DBR1: variants seen among roughly 807,000 people sequenced by gnomAD.
DBR1 encodes lariat debranching enzyme.
A neutral mutation model predicts 45.9 loss-of-function variants in DBR1; 33 were observed. That is an observed-to-expected ratio of 0.72 (90% CI 0.55 to 0.96). DBR1 has a LOEUF of 0.96. DBR1 is among the 40% of genes least tolerant of loss of function. The pLI is 0.00. For missense variants in DBR1, 619 were observed against 667.4 expected, an observed-to-expected ratio of 0.93 and a Z score of 0.80; for synonymous variants, 235 against 235.9, an observed-to-expected ratio of 1.00 and a Z score of 0.04.
chr3:138,172,253 A>G (rs1270929921), intron 2 of DBR1, among the ~76,000 whole-genome samples: 1 of 152,210 alleles, frequency 6.6e-6, no homozygotes, highest in Non-Finnish European at 1.5e-5. Context: ...ATCATTGGTA[A>G]AATCTATAAA....
At position 138,162,243 on chromosome 3, in the gene DBR1, A is replaced by G. The variant is rs781245780; in HGVS notation, c.1281T>C (p.Asp427=). The G allele has an allele frequency of 3.1e-6, 5 of 1,614,024 alleles. No individual in the cohort carries two copies. The highest frequency in any genetic ancestry group is 4.5e-5 in the East Asian group (2 of 44,898). Reference sequence around the variant, plus strand: ...CTTCTTCTTCATCTAACATTATTTCATCTGGATTAATAGAAGACAGAGCAG... The same window carrying G: ...CTTCTTCTTCATCTAACATTATTTCGTCTGGATTAATAGAAGACAGAGCAG... ...DTSALSSINP[D]EIMLDEEEDE... is the part of the protein sequence containing the mutation. The change falls in exon 8 of 8, where the codon GAT becomes GAC. Residue 427 remains aspartate (D), a synonymous_variant. Transcript: ENST00000260803.
intron 1 of DBR1, 62 bp from the exon 2 acceptor site, chr3:138,173,688 C>CT: frequency 1.4e-6 from 2 of 1,444,728 alleles, no homozygotes; most frequent in East Asian, 2.4e-5. Context: ...AAATAAGTTC[C>CT]GAAAAAAAAA....
At chr3:138,171,884 ATATAT>A (rs1412904881) in intron 2 of DBR1, among the ~76,000 whole-genome samples, 171 bp from the exon 3 acceptor site, 2 of 152,230 alleles carry the variant, frequency 1.3e-5, no homozygotes, top group African/African-American at 2.4e-5. Flanking sequence ...TGTATTAGGG[ATATAT>A]TATAACAGTA....
In DBR1 at chr3:138,162,254, T is replaced by G; in HGVS notation, c.1270A>C (p.Ile424Leu). The change falls in exon 8 of 8, where the codon ATT (isoleucine) becomes CTT (leucine). Residue 424 changes from isoleucine to leucine, a missense_variant. Around this residue, in one of 3 missense-constraint regions of DBR1, gnomAD observed 182 missense variants for 196.1 expected, o/e 0.93. Coordinates refer to ENST00000260803, the MANE Select transcript of DBR1 (RefSeq NM_016216.4). ...TCTAACATTATTTCATCTGGATTAA[T>G]AGAAGACAGAGCAGATGTGTCTGTA... ...YNTDTSALSS[I>L]NPDEIMLDEE... The G allele has an allele frequency of 6.2e-7, 1 of 1,614,186 alleles. No homozygotes were observed. The highest frequency in any genetic ancestry group is 1.3e-5 in the African/African-American group (1 of 75,070).
In DBR1 at chr3:138,171,669, T is replaced by G; in HGVS notation, c.367A>C (p.Ile123Leu). Residue 123 changes from isoleucine (I) to leucine (L), a missense_variant, in exon 3 of 8, where the codon ATC becomes CTC. By Grantham distance (5) the Ile-to-Leu change is conservative. Coordinates refer to ENST00000260803, the MANE Select transcript of DBR1 (RefSeq NM_016216.4). ...VKYRGVRIGG[I>L]SGIFKSHDYR... Reference sequence around the variant, plus strand: ...TCATGAGATTTAAAGATACCAGAGATTCCACCGATCCTTACACCTCGGTAT... The same window carrying G: ...TCATGAGATTTAAAGATACCAGAGAGTCCACCGATCCTTACACCTCGGTAT... The G allele has an allele frequency of 6.2e-7, 1 of 1,613,638 alleles. No homozygotes were observed. Among genetic ancestry groups the G allele is most frequent in the Non-Finnish European group, 8.5e-7 (1 of 1,179,744 alleles).
chr3:138,163,303 TATG>T (rs2042915969), intron 7 of DBR1, 43 bp downstream of exon 7: 16 of 1,594,122 alleles, frequency 1.0e-5, no homozygotes, highest in Non-Finnish European at 1.2e-5. Flanking sequence ...ATATAAAAAT[TATG>T]CATGCAATGG....
chr3:138,174,866 G>C lies in DBR1; in HGVS notation c.-71C>G. ...ACAGCCAGCCCAGGACCGACTGATC[G>C]CTCAGCTCCCGCCAACTTTAATAAG... On this transcript the variant is annotated 5_prime_UTR_variant, in exon 1 of 8. Coordinates refer to ENST00000260803, the MANE Select transcript of DBR1 (RefSeq NM_016216.4). 1 of 1,463,338 alleles carries C rather than the reference G, an allele frequency of 6.8e-7. No individual in the cohort carries two copies. The highest frequency in any genetic ancestry group is 9.3e-7 in the Non-Finnish European group (1 of 1,077,726). The allele number at this position is 1,463,338 out of a possible 1,614,324, so 90.6% of individuals were successfully genotyped here.
chr3:138,162,084 A>T lies in DBR1; in HGVS notation c.1440T>A (p.Asp480Glu). 6.2e-7 allele frequency: 1 copy of T among 1,614,202 alleles called. No homozygotes were observed. The highest frequency in any genetic ancestry group is 1.1e-5 in the South Asian group (1 of 91,090). Residue 480 changes from aspartate (D) to glutamate (E), a missense_variant, in exon 8 of 8, where the codon GAT (aspartate) becomes GAA (glutamate). Transcript: ENST00000260803. ...ILPGSMIVSSDDTVDSTIDRE... is the reference protein window; with the variant it reads ...ILPGSMIVSSEDTVDSTIDRE... ...TATCAATTGTGGAATCCACCGTATCATCAGAAGATACAATCATAGAGCCTG... is the reference window on the plus strand; with the variant it reads ...TATCAATTGTGGAATCCACCGTATCTTCAGAAGATACAATCATAGAGCCTG...
chr3:138,173,828 G>C (rs957815728), intron 1 of DBR1, among the ~76,000 whole-genome samples: 1 of 152,092 alleles, frequency 6.6e-6, no homozygotes, highest in Admixed American at 6.5e-5. Context: ...CCTGAGGTCA[G>C]GAGTTCGAGA....
intron 4 of DBR1, among the ~76,000 whole-genome samples, chr3:138,168,152 T>G (rs898160750): frequency 2.6e-5 from 4 of 152,156 alleles, no homozygotes; most frequent in African/African-American, 9.7e-5. Flanking sequence ...AAACAAAATA[T>G]ACTCCAGACT....
At chr3:138,167,048 G>A in intron 5 of DBR1, 33 bp downstream of exon 5, 1 of 1,578,958 alleles carries the variant, frequency 6.3e-7, no homozygotes, top group East Asian at 2.2e-5. Context: ...AATAGTGTGT[G>A]TTAAATGAAA....
At chr3:138,173,400 T>C in intron 2 of DBR1, 102 bp downstream of exon 2, 1 of 1,159,674 alleles carries the variant, frequency 8.6e-7, no homozygotes, top group Non-Finnish European at 1.2e-6. Context: ...TTAATGACAT[T>C]CTCCAAACAC....
chr3:138,162,225 T>G lies in DBR1; in HGVS notation c.1299A>C (p.Glu433Asp). ...SINPDEIMLDEEEDEDSIVSA... is the reference protein window; with the variant it reads ...SINPDEIMLDDEEDEDSIVSA... ...TTACAATACTATCTTCATCTTCTTCTTCATCTAACATTATTTCATCTGGAT... is the reference window on the plus strand; with the variant it reads ...TTACAATACTATCTTCATCTTCTTCGTCATCTAACATTATTTCATCTGGAT... Residue 433 changes from glutamate to aspartate, a missense_variant, in exon 8 of 8, where the codon GAA becomes GAC. By Grantham distance (45) the Glu-to-Asp change is conservative. This residue lies in a region of DBR1 where 182 missense variants were observed against 196.1 expected (regional missense o/e 0.93). Transcript: ENST00000260803. The G allele has an allele frequency of 1.9e-6, 3 of 1,614,212 alleles. No individual in the cohort carries two copies. Among genetic ancestry groups the G allele is most frequent in the African/African-American group, 2.7e-5 (2 of 75,078 alleles).
rs537665486 is a variant in DBR1 at position 138,168,676 on chromosome 3, G to T, written c.490-1371C>A. ...CTCTAAACTAGAGAAGTCATGGCTG[G>T]CTGGGCATGGTGGCTCATGCCTGTA... On this transcript the variant is annotated intron_variant, in intron 4 of 7. Coordinates refer to ENST00000260803, the MANE Select transcript of DBR1 (RefSeq NM_016216.4). 5.9e-5 allele frequency among the ~76,000 whole-genome samples: 9 copies of T among 152,204 alleles called. No homozygotes were observed. In the East Asian group the frequency reaches 1.4e-3, roughly 23 times the overall value.
intron 4 of DBR1, 118 bp downstream of exon 4, chr3:138,169,989 T>A: frequency 1.4e-6 from 1 of 692,548 alleles, no homozygotes; most frequent in South Asian, 1.7e-5. Flanking sequence ...AAGATCCACA[T>A]TTTAAAAATA....
intron 6 of DBR1, 111 bp from the exon 7 acceptor site, chr3:138,163,605 ATTT>A (rs1235072777): frequency 8.1e-6 from 6 of 744,838 alleles, no homozygotes; most frequent in Non-Finnish European, 1.1e-5. Flanking sequence ...AATTTCAATT[ATTT>A]AATTTTAAAT....
rs747400634 is a variant in DBR1, at chr3:138,173,375, G to A, written c.322+127C>T. 57 of 908,190 alleles carry A rather than the reference G, an allele frequency of 6.3e-5. 1 individual carries two copies. The highest frequency in any genetic ancestry group is 1.6e-4 in the South Asian group (8 of 50,134). The allele number at this position is 908,190 out of a possible 1,614,324, so 56.3% of individuals were successfully genotyped here. On this transcript the variant is annotated intron_variant, in intron 2 of 7. Transcript: ENST00000260803. ...TTAACTATCTTAATTAAATTTTCAC[G>A]ATTAAGTATTTAAATTAATGACATT...
Position 138,174,809 on chromosome 3 carries a change from G to A in DBR1, c.-14C>T. The A allele has an allele frequency of 3.1e-6, 5 of 1,606,966 alleles. No individual in the cohort carries two copies. The highest frequency in any genetic ancestry group is 4.2e-6 in the Non-Finnish European group (5 of 1,177,852). On this transcript the variant is annotated 5_prime_UTR_variant, in exon 1 of 8. Transcript: ENST00000260803. Reference sequence around the variant, plus strand: ...AGCCACCCGCATTCTGCCGGCCTGAGGAGGTGAGCGCTGCCTGCAACGCCC... The same window carrying A: ...AGCCACCCGCATTCTGCCGGCCTGAAGAGGTGAGCGCTGCCTGCAACGCCC...
rs1576531727 is a variant in DBR1, at chr3:138,161,732, C to T, written c.*157G>A. 2 of 617,356 alleles carry T rather than the reference C, an allele frequency of 3.2e-6. No homozygotes were observed. The highest frequency in any genetic ancestry group is 5.7e-6 in the Non-Finnish European group (2 of 350,084). The allele number at this position is 617,356 out of a possible 1,614,324, so 38.2% of individuals were successfully genotyped here. ...GTGGTGGCGGGCACCTGTAGTCCCA[C>T]CTACTTGGGAGGCTGAGGCAGGAGA... On this transcript the variant is annotated 3_prime_UTR_variant, in exon 8 of 8. Coordinates refer to ENST00000260803, the MANE Select transcript of DBR1 (RefSeq NM_016216.4).
Sources: gnomAD v4.1 joint callset for allele counts (sites outside exome capture counted in the v4.1 genomes callset) on GRCh38, gnomAD v4.1.1 for gene constraint, gnomAD v4.1.1 regional missense constraint, MANE v1.5 for transcripts, NCBI Gene and HGNC (gene_info 2026-07-23, HGNC 2026-07-21) for gene names.